Variants in GRM5 observed in about 807,000 individuals in gnomAD.
The protein encoded by GRM5 is glutamate metabotropic receptor 5, also known as metabotropic glutamate receptor 5.
GRM5 carries 19 observed loss-of-function variants against 83.1 expected under a neutral mutation model. The ratio of observed to expected loss-of-function variants is 0.23; its 90% CI spans 0.16 to 0.34. GRM5 has a LOEUF of 0.34. Ranked by LOEUF, GRM5 falls within the 10% of genes least tolerant of loss-of-function variation. The pLI is 1.00. For missense variants in GRM5, 1,160 were observed against 1,588.3 expected, an observed-to-expected ratio of 0.73 and a Z score of 4.58; for synonymous variants, 675 against 633.6, an observed-to-expected ratio of 1.07 and a Z score of -0.98.
chr11:88,929,762 A>G (rs556882811), intron 2 of GRM5, among the ~76,000 whole-genome samples: 1 of 152,262 alleles, frequency 6.6e-6, no homozygotes, highest in South Asian at 2.1e-4. Context: ...TTCTAATTAC[A>G]TATGAATAGT....
intron 4 of GRM5, among the ~76,000 whole-genome samples, chr11:88,632,674 T>C (rs1459154425): frequency 6.6e-6 from 1 of 152,216 alleles, no homozygotes; most frequent in Non-Finnish European, 1.5e-5. Flanking sequence ...ATAACATCAT[T>C]TTGAACATTA....
chr11:88,570,571 A>ATATATATATATATATATATATATTTTTTT (rs1405339448), intron 7 of GRM5, among the ~76,000 whole-genome samples: 1 of 46,376 alleles, frequency 2.2e-5, no homozygotes, highest in Non-Finnish European at 3.5e-5. Flanking sequence ...ATATATATAT[A>ATATATATATATATATATATATATTTTTTT]TTTTTTTTTT....
At chr11:88,810,472 T>C (rs1203337060) in intron 3 of GRM5, among the ~76,000 whole-genome samples, 1 of 152,010 alleles carries the variant, frequency 6.6e-6, no homozygotes, top group Non-Finnish European at 1.5e-5. Context: ...TAAATGCTCA[T>C]ATATAAGATT....
chr11:88,578,012 A>G (rs1943148495), intron 7 of GRM5, among the ~76,000 whole-genome samples: 1 of 152,110 alleles, frequency 6.6e-6, no homozygotes, highest in Non-Finnish European at 1.5e-5. Context: ...AAGTGTATAT[A>G]CAAAACGGTG....
At chr11:88,677,594 C>G (rs1042972018) in intron 3 of GRM5, among the ~76,000 whole-genome samples, 1 of 152,056 alleles carries the variant, frequency 6.6e-6, no homozygotes. Context: ...TCCTGATCAC[C>G]CTATACCTTA....
intron 2 of GRM5, among the ~76,000 whole-genome samples, chr11:88,850,697 GA>G (rs1944374847): frequency 6.6e-6 from 1 of 151,116 alleles, no homozygotes; most frequent in African/African-American, 2.4e-5. Context: ...GGTCTTAATT[GA>G]AAAACTGAGA....
At chr11:88,530,162 C>G (rs1018714911) in intron 8 of GRM5, among the ~76,000 whole-genome samples, 1 of 151,962 alleles carries the variant, frequency 6.6e-6, no homozygotes, top group Admixed American at 6.6e-5. Context: ...TGTCCAAAAA[C>G]TTTTATAACA....
At chr11:88,744,314 C>T (rs1942087766) in intron 3 of GRM5, among the ~76,000 whole-genome samples, 1 of 152,134 alleles carries the variant, frequency 6.6e-6, no homozygotes, top group Non-Finnish European at 1.5e-5. Context: ...GACAGGGAGA[C>T]ATTAACAGCT....
intron 3 of GRM5, among the ~76,000 whole-genome samples, chr11:88,831,017 C>G (rs944437902): frequency 3.3e-5 from 5 of 152,018 alleles, no homozygotes; most frequent in African/African-American, 4.8e-5. Context: ...AATTACCCCC[C>G]ACCGAGGCCC....
chr11:88,850,324 A>C (rs1018917115), intron 2 of GRM5, among the ~76,000 whole-genome samples, 169 bp from the exon 3 acceptor site: 6 of 152,226 alleles, frequency 3.9e-5, no homozygotes, highest in African/African-American at 1.4e-4. Flanking sequence ...TATTTTGGGC[A>C]AATTACAATT....
intron 2 of GRM5, among the ~76,000 whole-genome samples, chr11:88,986,992 A>G (rs543495202): frequency 1.3e-5 from 2 of 151,674 alleles, no homozygotes; most frequent in African/African-American, 2.4e-5. Flanking sequence ...AGATCATCCT[A>G]TCGGGGGAAG....
chr11:88,814,026 A>G (rs16914965), intron 3 of GRM5, among the ~76,000 whole-genome samples: 13,072 of 152,208 alleles, frequency 0.086, 1,014 homozygotes, highest in African/African-American at 0.22. Flanking sequence ...TTAATTACTA[A>G]ATGATTCCAA....
chr11:88,919,776 T>C (rs541296773), intron 2 of GRM5, among the ~76,000 whole-genome samples: 1 of 152,008 alleles, frequency 6.6e-6, no homozygotes, highest in South Asian at 2.1e-4. Flanking sequence ...CACGTGGAAA[T>C]TAAACAAAAT....
chr11:88,518,206 T>C (rs1046795763), intron 9 of GRM5, among the ~76,000 whole-genome samples: 1 of 151,972 alleles, frequency 6.6e-6, no homozygotes, highest in Non-Finnish European at 1.5e-5. Flanking sequence ...CTCTGAGTAG[T>C]TAGTAATTCT....
At chr11:89,041,293 C>A (rs1188842207) in intron 2 of GRM5, among the ~76,000 whole-genome samples, 4 of 152,180 alleles carry the variant, frequency 2.6e-5, no homozygotes, top group Admixed American at 2.0e-4. Context: ...GGGAGCAGTG[C>A]AGTGAAATCC....
At chr11:88,670,057 A>G (rs2135330890) in intron 3 of GRM5, among the ~76,000 whole-genome samples, 1 of 152,046 alleles carries the variant, frequency 6.6e-6, no homozygotes, top group East Asian at 1.9e-4. Context: ...AATTAGACAT[A>G]ATTTGTTGAA....
intron 1 of GRM5, among the ~76,000 whole-genome samples, chr11:89,048,720 G>A (rs1291969250): frequency 6.6e-6 from 1 of 152,138 alleles, no homozygotes; most frequent in Non-Finnish European, 1.5e-5. Flanking sequence ...TAAATAAACT[G>A]TAGAAGAGAA....
At chr11:88,999,110 T>C (rs562139308) in intron 2 of GRM5, among the ~76,000 whole-genome samples, 6 of 152,308 alleles carry the variant, frequency 3.9e-5, no homozygotes, top group East Asian at 1.9e-4. Context: ...AAGACTTACA[T>C]GTTAGACCTA....
At chr11:88,931,249 T>C (rs615939) in intron 2 of GRM5, among the ~76,000 whole-genome samples, 145,266 of 151,654 alleles carry the variant, frequency 0.96, 69,658 homozygotes, top group East Asian at 0.99. Context: ...TCATCTTACT[T>C]ATTCAACAAA....
Sources: allele counts gnomAD v4.1 joint callset (sites outside exome capture counted in the v4.1 genomes callset), GRCh38; gene constraint gnomAD v4.1.1; transcripts MANE v1.5; gene names NCBI Gene and HGNC (gene_info 2026-07-23, HGNC 2026-07-21).